The following PLCE1 variants were observed in gnomAD, a reference collection of about 807,000 sequenced individuals.
The protein encoded by PLCE1 is phospholipase C epsilon 1, also known as 1-phosphatidylinositol 4,5-bisphosphate phosphodiesterase epsilon-1.
In PLCE1, 119 loss-of-function variants were observed where a neutral mutation model predicts 242.8. The ratio of observed to expected loss-of-function variants is 0.49; its 90% CI spans 0.42 to 0.57. The LOEUF (loss-of-function observed/expected upper bound fraction) is 0.57, where lower values mean the gene tolerates loss of function less well. Among genes scored for constraint, PLCE1 ranks in the 20% least tolerant of loss-of-function variants. The pLI, the probability that PLCE1 is intolerant of heterozygous loss-of-function variation, is 0.00. For missense variants in PLCE1, 2,441 were observed against 2,788.8 expected (o/e 0.88, Z 2.81); for synonymous variants, 945 against 1,017.4 (o/e 0.93, Z 1.35).
chr10:94,074,846 C>G (rs2044456734), intron 2 of PLCE1, among the ~76,000 whole-genome samples: 3 of 152,090 alleles, frequency 2.0e-5, no homozygotes, highest in Non-Finnish European at 4.4e-5. Flanking sequence ...TTTTCCAGGG[C>G]TTAGTATTGA....
At chr10:94,138,088 G>A (rs2046842007) in intron 3 of PLCE1, 1 of 355,622 alleles carries the variant, frequency 2.8e-6, no homozygotes, top group Non-Finnish European at 5.5e-6. Context: ...GCGGCTCTGT[G>A]GCAAGTTCTG....
At chr10:94,049,220 T>A (rs916578677) in intron 2 of PLCE1, among the ~76,000 whole-genome samples, 2 of 152,198 alleles carry the variant, frequency 1.3e-5, no homozygotes, top group Non-Finnish European at 2.9e-5. Flanking sequence ...CTGCTTTTTG[T>A]TTATTAAATG....
chr10:93,994,386 C>T lies in PLCE1; in HGVS notation c.-365+128C>T, dbSNP rs1589825319. 2.6e-5 allele frequency among the ~76,000 whole-genome samples: 4 copies of T among 152,208 alleles called. No homozygotes were observed. The South Asian group carries it at 8.3e-4, about 31-fold the overall frequency. On this transcript the variant is annotated intron_variant, in intron 1 of 32. Transcript: ENST00000371380. ...CTCCGCGTACCTGGCGGAAAAGTGTCCTCGCGCTCCCGGGGGACCCGAGGC... is the reference window on the plus strand; with the variant it reads ...CTCCGCGTACCTGGCGGAAAAGTGTTCTCGCGCTCCCGGGGGACCCGAGGC...
intron 4 of PLCE1, among the ~76,000 whole-genome samples, chr10:94,190,346 TG>T (rs1404923172): frequency 2.0e-5 from 3 of 152,310 alleles, no homozygotes; most frequent in African/African-American, 7.2e-5. Flanking sequence ...CTGTGGCTCA[TG>T]CCTGTAATTT....
chr10:94,154,665 T>G lies in PLCE1; in HGVS notation c.1493-16515T>G, dbSNP rs140537899. Among the ~76,000 whole-genome samples the G allele has an allele frequency of 7.2e-5, 11 of 152,158 alleles. No individual in the cohort carries two copies. The East Asian group carries it at 1.9e-3, about 27-fold the overall frequency. Reference sequence around the variant, plus strand: ...CAAAGGACTTGAATCGATGTTTCTCTAAAGAAAATGTGCAAATGGCCAATA... The same window carrying G: ...CAAAGGACTTGAATCGATGTTTCTCGAAAGAAAATGTGCAAATGGCCAATA... On this transcript the variant is annotated intron_variant, in intron 3 of 32. Coordinates refer to ENST00000371380, the MANE Select transcript of PLCE1 (RefSeq NM_016341.4).
chr10:94,192,555 G>A (rs569605636), intron 4 of PLCE1, among the ~76,000 whole-genome samples: 1 of 152,230 alleles, frequency 6.6e-6, no homozygotes, highest in East Asian at 1.9e-4. Context: ...AGTATTCCAT[G>A]GTATATACGT....
chr10:94,258,775 C>G (rs750712302), intron 11 of PLCE1, 25 bp from the exon 12 acceptor site: 1 of 1,613,894 alleles, frequency 6.2e-7, no homozygotes, highest in African/African-American at 1.3e-5. Flanking sequence ...CCCTTGTGCC[C>G]ATGAAGGCCT....
chr10:94,227,728 C>G (rs2049995845), intron 5 of PLCE1, among the ~76,000 whole-genome samples: 1 of 152,164 alleles, frequency 6.6e-6, no homozygotes, highest in Admixed American at 6.5e-5. Context: ...GTTGCATAAC[C>G]CGATCAACCC....
At chr10:94,238,601 A>G (rs2050399908) in intron 7 of PLCE1, among the ~76,000 whole-genome samples, 3 of 152,348 alleles carry the variant, frequency 2.0e-5, no homozygotes, top group South Asian at 2.1e-4. Context: ...ATGAATTATA[A>G]TGCTCATTAA....
At chr10:94,106,912 T>TCTCTCTCTCTCTCTCTCTCTC (rs2045756528) in intron 2 of PLCE1, among the ~76,000 whole-genome samples, 2 of 38,732 alleles carry the variant, frequency 5.2e-5, no homozygotes, top group Non-Finnish European at 9.9e-5. Context: ...TGTCTCTTGT[T>TCTCTCTCTCTCTCTCTCTCTC]TCTCTCTCTC....
intron 2 of PLCE1, among the ~76,000 whole-genome samples, chr10:94,045,416 A>T (rs538160692): frequency 5.7e-4 from 87 of 152,304 alleles, no homozygotes; most frequent in African/African-American, 1.5e-3. Context: ...GATTATAGGC[A>T]TGAGCCATGG....
rs773826215 is a variant in PLCE1 at position 94,246,606 on chromosome 10, C to T, written c.3081C>T (p.Tyr1027=). The change falls in exon 8 of 33, where the codon TAC becomes TAT. Residue 1027 remains tyrosine (Y), a synonymous_variant. Coordinates refer to ENST00000371380, the MANE Select transcript of PLCE1 (RefSeq NM_016341.4). Reference sequence around the variant, plus strand: ...GACAGCAGTGGCTGCGGAAACAGTACGTCAGCCTTTATCAGGTAAGGGGTG... The same window carrying T: ...GACAGCAGTGGCTGCGGAAACAGTATGTCAGCCTTTATCAGGTAAGGGGTG... The part of the protein sequence containing the change: ...DQRQQWLRKQ[Y]VSLYQEDGRY... 9.3e-6 allele frequency: 15 copies of T among 1,613,938 alleles called. No homozygotes were observed. Among genetic ancestry groups the T allele is most frequent in the East Asian group, 6.7e-5 (3 of 44,850 alleles).
intron 4 of PLCE1, among the ~76,000 whole-genome samples, chr10:94,205,366 G>A (rs766533663): frequency 3.3e-5 from 5 of 152,300 alleles, no homozygotes; most frequent in South Asian, 2.1e-4. Context: ...TTACAAGCAC[G>A]TATTACTTTC....
intron 2 of PLCE1, among the ~76,000 whole-genome samples, chr10:94,034,488 A>C (rs2061626315): frequency 6.6e-6 from 1 of 152,234 alleles, no homozygotes; most frequent in Non-Finnish European, 1.5e-5. Context: ...AAGTGAAATA[A>C]CTAAGATTTA....
intron 3 of PLCE1, among the ~76,000 whole-genome samples, chr10:94,133,335 A>G (rs2046668312): frequency 6.6e-6 from 1 of 152,214 alleles, no homozygotes; most frequent in Admixed American, 6.5e-5. Flanking sequence ...GCTACTTCCC[A>G]TGAGCAGCAG....
chr10:94,230,412 C>T (rs957250443), intron 5 of PLCE1, among the ~76,000 whole-genome samples: 1 of 150,918 alleles, frequency 6.6e-6, no homozygotes, highest in Non-Finnish European at 1.5e-5. Flanking sequence ...GCAACCTCCA[C>T]CTCCCAGATT....
chr10:94,238,458 G>C (rs1466726011), intron 7 of PLCE1, among the ~76,000 whole-genome samples: 1 of 152,172 alleles, frequency 6.6e-6, no homozygotes, highest in African/African-American at 2.4e-5. Flanking sequence ...AGTCACAGGG[G>C]AGGATCCTTT....
intron 3 of PLCE1, among the ~76,000 whole-genome samples, chr10:94,167,164 G>A (rs987769545): frequency 5.3e-5 from 8 of 152,098 alleles, no homozygotes; most frequent in Non-Finnish European, 1.0e-4. Context: ...GGTGACACAC[G>A]CCTGTAATCC....
At chr10:94,188,875 G>A (rs769761370) in intron 4 of PLCE1, among the ~76,000 whole-genome samples, 1 of 152,050 alleles carries the variant, frequency 6.6e-6, no homozygotes, top group Non-Finnish European at 1.5e-5. Flanking sequence ...AAAGTGCCAG[G>A]ATTACAGGCA....
Sources: gnomAD v4.1 joint callset for allele counts (sites outside exome capture counted in the v4.1 genomes callset) on GRCh38, gnomAD v4.1.1 for gene constraint, MANE v1.5 for transcripts, NCBI Gene and HGNC (gene_info 2026-07-23, HGNC 2026-07-21) for gene names.